The following ITPKB variants were observed in gnomAD, a reference collection of about 807,000 sequenced individuals.
The protein encoded by ITPKB is inositol-trisphosphate 3-kinase B, also known as IP3 3-kinase B.
In ITPKB, 13 loss-of-function variants were observed where a neutral mutation model predicts 69.4. The observed-to-expected ratio is 0.19, with a 90% CI of 0.12 to 0.30. The LOEUF is 0.30. Ranked by LOEUF, ITPKB falls within the 10% of genes least tolerant of loss-of-function variation. The pLI is 1.00. For missense variants in ITPKB, 1,240 were observed against 1,250.5 expected (o/e 0.99, Z 0.13); for synonymous variants, 584 against 513.7 (o/e 1.14, Z -1.85).
chr1:226,706,948 G>A (rs1484232421), intron 2 of ITPKB, among the ~76,000 whole-genome samples: 1 of 152,028 alleles, frequency 6.6e-6, no homozygotes, highest in Non-Finnish European at 1.5e-5. Flanking sequence ...CTTCCTGGGG[G>A]CTCAAAAAGG....
At chr1:226,675,797 C>T (rs547746416) in intron 2 of ITPKB, among the ~76,000 whole-genome samples, 24 of 152,304 alleles carry the variant, frequency 1.6e-4, no homozygotes, top group Middle Eastern at 3.4e-3. Context: ...ATGTAAGATT[C>T]GAGTCTGCAT....
chr1:226,686,798 C>T (rs1656225733), intron 2 of ITPKB, among the ~76,000 whole-genome samples: 1 of 152,226 alleles, frequency 6.6e-6, no homozygotes, highest in South Asian at 2.1e-4. Flanking sequence ...TAAGGCTTGT[C>T]CTGGGGTGCC....
chr1:226,710,344 TAA>T (rs1656915643), intron 2 of ITPKB, among the ~76,000 whole-genome samples: 1 of 152,228 alleles, frequency 6.6e-6, no homozygotes, highest in Non-Finnish European at 1.5e-5. Flanking sequence ...GCCAGCTACG[TAA>T]GTTTCAGGGC....
At chr1:226,724,993 C>T (rs1198799203) in intron 2 of ITPKB, among the ~76,000 whole-genome samples, 1 of 152,242 alleles carries the variant, frequency 6.6e-6, no homozygotes, top group African/African-American at 2.4e-5. Flanking sequence ...TCCTCAAGAC[C>T]TTTACCCCAG....
At chr1:226,668,068 A>G (rs1040996557) in intron 2 of ITPKB, among the ~76,000 whole-genome samples, 3 of 152,202 alleles carry the variant, frequency 2.0e-5, no homozygotes, top group Admixed American at 6.5e-5. Flanking sequence ...AATTTAAAAC[A>G]ATACTGAAAC....
chr1:226,733,366 G>T (rs1398287445), intron 2 of ITPKB, among the ~76,000 whole-genome samples: 1 of 152,200 alleles, frequency 6.6e-6, no homozygotes, highest in African/African-American at 2.4e-5. Context: ...CCATCAAGAT[G>T]TCTGGCCTTC....
chr1:226,689,805 G>A (rs781435232), intron 2 of ITPKB, among the ~76,000 whole-genome samples: 7 of 152,038 alleles, frequency 4.6e-5, no homozygotes, highest in Non-Finnish European at 8.8e-5. Flanking sequence ...AGTATCTGTT[G>A]TTCCCCTCTA....
intron 2 of ITPKB, among the ~76,000 whole-genome samples, chr1:226,721,017 G>A (rs755395445): frequency 1.3e-4 from 19 of 149,130 alleles, no homozygotes; most frequent in African/African-American, 4.5e-4. Flanking sequence ...ACCCCAGCCT[G>A]GGCGACAGAT....
intron 2 of ITPKB, among the ~76,000 whole-genome samples, chr1:226,732,383 C>T (rs999030129): frequency 1.3e-5 from 2 of 152,044 alleles, no homozygotes; most frequent in Non-Finnish European, 2.9e-5. Context: ...GGATTACAGG[C>T]GCCCGCGACC....
chr1:226,638,906 G>A (rs967620321), intron 6 of ITPKB, among the ~76,000 whole-genome samples: 6 of 151,968 alleles, frequency 3.9e-5, no homozygotes, highest in African/African-American at 1.5e-4. Flanking sequence ...CGATGGCTAA[G>A]GGAGAGTCAG....
rs74774634 is a variant in ITPKB, at chr1:226,693,026, G to C, written c.1932+42501C>G. Reference sequence around the variant, plus strand: ...CTGATGAGCTGCTTCAAGTGTGATGGTAATAAGGTTCGGCTGCTCAGGGAG... The same window carrying C: ...CTGATGAGCTGCTTCAAGTGTGATGCTAATAAGGTTCGGCTGCTCAGGGAG... On this transcript the variant is annotated intron_variant, in intron 2 of 7. Transcript: ENST00000429204. Among the ~76,000 whole-genome samples the C allele has an allele frequency of 6.0e-4, 92 of 152,354 alleles. 2 individuals carry two copies. In the East Asian group the frequency reaches 0.017, roughly 28 times the overall value.
intron 2 of ITPKB, among the ~76,000 whole-genome samples, chr1:226,651,387 G>A (rs954261232): frequency 5.9e-5 from 9 of 152,178 alleles, no homozygotes; most frequent in African/African-American, 2.2e-4. Context: ...TAAAAAGAGC[G>A]ACACATAGAT....
At chr1:226,647,683 C>T (rs1460631268) in intron 3 of ITPKB, among the ~76,000 whole-genome samples, 2 of 152,238 alleles carry the variant, frequency 1.3e-5, no homozygotes, top group African/African-American at 2.4e-5. Context: ...CCCAGTCATT[C>T]CTTAGTGTTG....
chr1:226,735,958 C>A lies in ITPKB; in HGVS notation c.1501G>T (p.Val501Leu). 6.2e-7 allele frequency: 1 copy of A among 1,614,026 alleles called. No homozygotes were observed. The highest frequency in any genetic ancestry group is 8.5e-7 in the Non-Finnish European group (1 of 1,179,982). The change falls in exon 2 of 8, where the codon GTG (valine) becomes TTG (leucine). Residue 501 changes from valine (V) to leucine (L), a missense_variant. Val to Leu is a conservative substitution (Grantham distance 32). Transcript: ENST00000429204. ...PQCPPGDRVG[V>L]QPGNSRVWQG... ...CAAACCCTGGAGTTCCCAGGCTGCA[C>A]ACCCACCCTGTCCCCAGGAGGGCAC...
chr1:226,699,124 C>T (rs779385673), intron 2 of ITPKB, among the ~76,000 whole-genome samples: 1 of 152,244 alleles, frequency 6.6e-6, no homozygotes, highest in African/African-American at 2.4e-5. Flanking sequence ...TAATAAGGTC[C>T]TATCAGGCCA....
chr1:226,641,954 C>G lies in ITPKB; in HGVS notation c.2418G>C (p.Thr806=). The G allele has an allele frequency of 1.2e-6, 2 of 1,614,042 alleles. No homozygotes were observed. Among genetic ancestry groups the G allele is most frequent in the Non-Finnish European group, 1.7e-6 (2 of 1,179,998 alleles). ...YMQWRETISS[T]ATLGFRIEGI... ...CCTCGATCCTGAACCCCAGGGTGGC[C>G]GTGGAGCTGATGGTCTCCCGCCACT... Residue 806 remains threonine (T), a synonymous_variant, in exon 5 of 8, where the codon ACG becomes ACC. Transcript: ENST00000429204. The surrounding 1 kb of genome is among the most constrained non-coding windows in gnomAD (Gnocchi z 4.6).
Position 226,736,981 on chromosome 1 carries a change from CG to C in ITPKB, c.477del (p.Ala160ProfsTer71). On this transcript the variant is annotated frameshift_variant, in exon 2 of 8. Transcript: ENST00000429204. LOFTEE classifies it high-confidence loss of function. ...MFEAHIQAQS[S>X]AIQAPRSPRL... ...CGCGGGCTGCGGGGCGCTTGAATGG[CG>C]GAGCTCTGTGCCTGGATGTGCGCCT... The C allele has an allele frequency of 6.2e-7, 1 of 1,612,486 alleles. No homozygotes were observed. Among genetic ancestry groups the C allele is most frequent in the East Asian group, 2.2e-5 (1 of 44,858 alleles).
At chr1:226,675,207 G>A (rs553443262) in intron 2 of ITPKB, 5 of 148,894 alleles carry the variant, frequency 3.4e-5, no homozygotes, top group Admixed American at 6.7e-5. Context: ...TGTTTACCAC[G>A]ACCCACCGGG....
At chr1:226,727,090 C>T (rs1005164440) in intron 2 of ITPKB, among the ~76,000 whole-genome samples, 3 of 152,196 alleles carry the variant, frequency 2.0e-5, no homozygotes, top group African/African-American at 7.2e-5. Context: ...CTCTCTATAA[C>T]AGTCGTCATC....
Sources: allele counts gnomAD v4.1 joint callset (sites outside exome capture counted in the v4.1 genomes callset), GRCh38; gene constraint gnomAD v4.1.1; non-coding constraint Gnocchi (gnomAD v3.1); transcripts MANE v1.5; gene names NCBI Gene and HGNC (gene_info 2026-07-23, HGNC 2026-07-21).